CHORDC1: variants seen among roughly 807,000 people sequenced by gnomAD.
CHORDC1 encodes the protein cysteine and histidine-rich domain-containing protein 1.
In CHORDC1, 25 loss-of-function variants were observed where a neutral mutation model predicts 48.3. The observed-to-expected ratio is 0.52, with a 90% CI of 0.38 to 0.72. The LOEUF is 0.72. Ranked by LOEUF, CHORDC1 falls within the 30% of genes least tolerant of loss-of-function variation. The pLI is 0.00. For missense variants in CHORDC1, 317 were observed against 388.7 expected (o/e 0.82, Z 1.55); for synonymous variants, 128 against 126.4 (o/e 1.01, Z -0.09).
At chr11:90,220,026 C>T (rs1386432006) in intron 1 of CHORDC1, among the ~76,000 whole-genome samples, 3 of 152,192 alleles carry the variant, frequency 2.0e-5, no homozygotes, top group Non-Finnish European at 4.4e-5. Flanking sequence ...TGTCTTAAAA[C>T]ATTATGAATT....
At chr11:90,217,407 A>C (rs551050596) in intron 2 of CHORDC1, among the ~76,000 whole-genome samples, 2 of 152,342 alleles carry the variant, frequency 1.3e-5, no homozygotes, top group South Asian at 4.1e-4. Flanking sequence ...TGACCAGCAA[A>C]AACCTAGTCA....
chr11:90,211,455 G>A (rs1277183170), intron 4 of CHORDC1, 137 bp from the exon 5 acceptor site: 4 of 618,260 alleles, frequency 6.5e-6, no homozygotes, highest in Admixed American at 6.3e-5. Flanking sequence ...AGGTTAAAAG[G>A]TATTTTATAA....
Position 90,216,368 on chromosome 11 carries a change from T to C in CHORDC1, c.115-1138A>G, listed in dbSNP as rs1858012603. 4 of 241,262 alleles carry C rather than the reference T, an allele frequency of 1.7e-5. No individual in the cohort carries two copies. In the South Asian group the frequency reaches 1.7e-4, roughly 10 times the overall value. The allele number at this position is 241,262 out of a possible 1,614,324, so 14.9% of individuals were successfully genotyped here. A position where few individuals can be genotyped will look rare whatever the true frequency, so the allele number is the denominator to read the frequency against. On this transcript the variant is annotated intron_variant, in intron 2 of 10. Transcript: ENST00000320585. ...AGTTATGTGAATATAAGGTTGCTAG[T>C]TGTCTTTTTTCAGCAAGATTGTCCT...
At chr11:90,202,926 G>A (rs764728159) in intron 9 of CHORDC1, 51 bp from the exon 10 acceptor site, 53 of 1,519,132 alleles carry the variant, frequency 3.5e-5, no homozygotes, top group Admixed American at 3.0e-4. Flanking sequence ...GAAGATTTAT[G>A]CTATCAAACA....
At chr11:90,222,620 G>T (rs2135063622) in intron 1 of CHORDC1, 2 of 666,576 alleles carry the variant, frequency 3.0e-6, no homozygotes, top group Non-Finnish European at 5.5e-6. Flanking sequence ...GTGCGGGGAC[G>T]ACGGGGGAAA....
At chr11:90,213,291 T>C (rs967453712) in intron 4 of CHORDC1, 6 of 617,426 alleles carry the variant, frequency 9.7e-6, no homozygotes, top group Admixed American at 8.2e-5. Flanking sequence ...AAATCATGAG[T>C]TCATAGCATG....
chr11:90,220,545 C>T (rs1285253299), intron 1 of CHORDC1, among the ~76,000 whole-genome samples: 1 of 152,058 alleles, frequency 6.6e-6, no homozygotes, highest in African/African-American at 2.4e-5. Context: ...GAGTCAGAGG[C>T]ATAAAATGTC....
At chr11:90,213,963 T>A in intron 4 of CHORDC1, 55 bp downstream of exon 4, 1 of 1,404,320 alleles carries the variant, frequency 7.1e-7, no homozygotes, top group Non-Finnish European at 9.8e-7. Context: ...GAAAGTACCA[T>A]GCACAAGTGC....
chr11:90,219,392 A>T (rs897915729), intron 1 of CHORDC1, among the ~76,000 whole-genome samples: 1 of 152,192 alleles, frequency 6.6e-6, no homozygotes, highest in African/African-American at 2.4e-5. Context: ...TGGGTTTATT[A>T]CAATTTGTGT....
intron 4 of CHORDC1, chr11:90,213,649 T>C (rs952662020): frequency 5.1e-5 from 23 of 451,500 alleles, no homozygotes; most frequent in African/African-American, 3.8e-4. Flanking sequence ...ATTAGGCCTC[T>C]GCATTATTTT....
At chr11:90,213,623 A>C in intron 4 of CHORDC1, 1 of 459,136 alleles carries the variant, frequency 2.2e-6, no homozygotes, top group Non-Finnish European at 3.9e-6. Flanking sequence ...CAGGCATCTG[A>C]AAGTAAAGAT....
chr11:90,207,483 T>C (rs1008191620), intron 6 of CHORDC1: 3 of 151,996 alleles, frequency 2.0e-5, no homozygotes, highest in African/African-American at 7.2e-5. Flanking sequence ...GATGGACAAA[T>C]TGGATTTTGT....
intron 8 of CHORDC1, among the ~76,000 whole-genome samples, chr11:90,204,448 C>T (rs766782341): frequency 3.1e-4 from 47 of 152,226 alleles, no homozygotes; most frequent in African/African-American, 7.7e-4. Flanking sequence ...GGGCCAGGCG[C>T]GGTGGCTCAC....
At chr11:90,213,962 A>T in intron 4 of CHORDC1, 56 bp downstream of exon 4, 1 of 1,402,484 alleles carries the variant, frequency 7.1e-7, no homozygotes, top group South Asian at 1.3e-5. Context: ...GGAAAGTACC[A>T]TGCACAAGTG....
chr11:90,213,110 G>A (rs1857913957), intron 4 of CHORDC1: 1 of 292,420 alleles, frequency 3.4e-6, no homozygotes, highest in African/African-American at 2.2e-5. Flanking sequence ...CTCTAACTAT[G>A]AAGATGGAGA....
rs777616603 is a variant in CHORDC1 at position 90,210,506 on chromosome 11, A to AT, written c.492+29dup. On this transcript the variant is annotated intron_variant, in intron 6 of 10. Transcript: ENST00000320585. ...TTCCTCAAAATTAAAATTTTACTTCATAACACATCACAAATCTTGTGATAT... is the reference window on the plus strand; with the variant it reads ...TTCCTCAAAATTAAAATTTTACTTCATTAACACATCACAAATCTTGTGATAT... The AT allele has an allele frequency of 6.9e-6, 10 of 1,456,328 alleles. No homozygotes were observed. In the African/African-American group the frequency reaches 1.4e-4, roughly 20 times the overall value. The allele number at this position is 1,456,328 out of a possible 1,614,324, so 90.2% of individuals were successfully genotyped here.
Position 90,213,709 on chromosome 11 carries a change from C to G in CHORDC1, c.329+309G>C, listed in dbSNP as rs538686093. 47 of 455,564 alleles carry G rather than the reference C, an allele frequency of 1.0e-4. 1 individual carries two copies. In the South Asian group the frequency reaches 2.1e-3, roughly 21 times the overall value. 28.2% of individuals were successfully genotyped at this position (455,564 alleles called of 1,614,324 possible). On this transcript the variant is annotated intron_variant, in intron 4 of 10. Transcript: ENST00000320585. ...AGGAAAACTGCTTCAAAGAATTTTA[C>G]CATGCCACAGTGAAAAAGATGCACT...
At chr11:90,222,796 C>T in intron 1 of CHORDC1, 95 bp downstream of exon 1, 1 of 1,156,218 alleles carries the variant, frequency 8.6e-7, no homozygotes, top group Non-Finnish European at 1.3e-6. Flanking sequence ...CGCGCGAGGA[C>T]GGCTGCAGGA....
chr11:90,221,634 G>A (rs577640108), intron 1 of CHORDC1, among the ~76,000 whole-genome samples: 5 of 152,250 alleles, frequency 3.3e-5, no homozygotes, highest in Non-Finnish European at 5.9e-5. Context: ...ACACCAAAGG[G>A]CTTTAAAATC....
Sources: allele counts gnomAD v4.1 joint callset (sites outside exome capture counted in the v4.1 genomes callset), GRCh38; gene constraint gnomAD v4.1.1; transcripts MANE v1.5; gene names NCBI Gene and HGNC (gene_info 2026-07-23, HGNC 2026-07-21).